ERCC6L: variants seen among roughly 807,000 people sequenced by gnomAD.
ERCC6L encodes DNA excision repair protein ERCC-6-like.
In ERCC6L, 7 loss-of-function variants were observed where a neutral mutation model predicts 20.1. The ratio of observed to expected loss-of-function variants is 0.35; its 90% CI spans 0.20 to 0.65. ERCC6L has a LOEUF of 0.65. Among genes scored for constraint, ERCC6L ranks in the 30% least tolerant of loss-of-function variants. ERCC6L has a pLI of 0.69. For synonymous variants in ERCC6L, 278 were observed against 331.3 expected, an observed-to-expected ratio of 0.84 and a Z score of 1.75; for missense variants, 592 against 892.4, an observed-to-expected ratio of 0.66 and a Z score of 4.29.
At chrX:72,213,309 C>T (rs2042867123) in intron 1 of ERCC6L, among the ~76,000 whole-genome samples, 1 of 111,819 alleles carries the variant, frequency 8.9e-6, no homozygotes, top group South Asian at 3.8e-4. Context: ...CACTGAAATA[C>T]AAATTAGGCT....
Position 72,204,938 on chromosome X carries a change from C to T in ERCC6L, c.*76G>A. ...CTTAAGCCTGAATGCTTCATGTTCC[C>T]AAAGAATCCAATTATGGGAACAAAA... On this transcript the variant is annotated 3_prime_UTR_variant, in exon 2 of 2. Coordinates refer to ENST00000334463, the MANE Select transcript of ERCC6L (RefSeq NM_017669.4). 1.0e-6 allele frequency: 1 copy of T among 958,045 alleles called. No homozygotes were observed. Among genetic ancestry groups the T allele is most frequent in the Non-Finnish European group, 1.4e-6 (1 of 711,262 alleles). 79.0% of individuals were successfully genotyped at this position (958,045 alleles called of 1,213,427 possible).
chrX:72,209,339 A>G (rs2042839275), intron 1 of ERCC6L, among the ~76,000 whole-genome samples: 1 of 111,871 alleles, frequency 8.9e-6, no homozygotes, highest in Admixed American at 9.5e-5. Context: ...CTCTAGACCC[A>G]TATTCCAGCT....
In ERCC6L at chrX:72,207,257, A is replaced by G. The variant is rs2042825731; in HGVS notation, c.1510T>C (p.Leu504=). 10 of 1,210,135 alleles carry G rather than the reference A, an allele frequency of 8.3e-6. No homozygotes were observed. Among genetic ancestry groups the G allele is most frequent in the Non-Finnish European group, 1.1e-5 (10 of 895,266 alleles). ...RLLKNRHFKT[L]RIDGTVTHLL... ...TGAGTAACTGTCCCATCGATTCGCA[A>G]TGTCTTAAAGTGCCTATTCTTTAAG... is the stretch of plus-strand genomic sequence containing the variant. Residue 504 remains leucine (L), a synonymous_variant, in exon 2 of 2, where the codon TTG becomes CTG. Coordinates refer to ENST00000334463, the MANE Select transcript of ERCC6L (RefSeq NM_017669.4).
At chrX:72,219,854 A>T (rs993833897) in intron 1 of ERCC6L, among the ~76,000 whole-genome samples, 1 of 110,284 alleles carries the variant, frequency 9.1e-6, no homozygotes, top group Admixed American at 9.7e-5. Flanking sequence ...TCTCAAAAAA[A>T]AAAAAAAAAG....
rs537510044 is a variant in ERCC6L, at chrX:72,213,284, G to A, written c.69-4586C>T. On this transcript the variant is annotated intron_variant, in intron 1 of 1. Coordinates refer to ENST00000334463, the MANE Select transcript of ERCC6L (RefSeq NM_017669.4). ...ACTCAGCTCACACCCAACCAATCAG[G>A]TAGTAAAGAGGGCTCACTGAAATAC... 8.0e-5 allele frequency among the ~76,000 whole-genome samples: 9 copies of A among 111,860 alleles called. No homozygotes were observed. The South Asian group carries it at 3.4e-3, about 42-fold the overall frequency.
chrX:72,223,296 C>T (rs1160629805), intron 1 of ERCC6L, among the ~76,000 whole-genome samples: 9 of 98,915 alleles, frequency 9.1e-5, no homozygotes, highest in Non-Finnish European at 1.6e-4. Context: ...GCTGAGATCA[C>T]GCCATTGCAC....
At chrX:72,232,874 AG>A (rs1409224537) in intron 1 of ERCC6L, among the ~76,000 whole-genome samples, 1 of 110,991 alleles carries the variant, frequency 9.0e-6, no homozygotes, top group African/African-American at 3.3e-5. Flanking sequence ...AGGCTGAGGC[AG>A]GTGGATCGCT....
chrX:72,236,274 T>A (rs1226191731), intron 1 of ERCC6L, among the ~76,000 whole-genome samples: 1 of 111,655 alleles, frequency 9.0e-6, no homozygotes. Context: ...GGCAACACAG[T>A]GAGACTTCAT....
At chrX:72,216,440 T>C (rs750584136) in intron 1 of ERCC6L, among the ~76,000 whole-genome samples, 18 of 111,946 alleles carry the variant, frequency 1.6e-4, no homozygotes, top group Admixed American at 7.6e-4. Context: ...GTAAAATACA[T>C]ATAACATAAA....
In ERCC6L at chrX:72,205,857, C is replaced by T; in HGVS notation, c.2910G>A (p.Gln970=). 2 of 1,211,766 alleles carry T rather than the reference C, an allele frequency of 1.7e-6. No individual in the cohort carries two copies. The highest frequency in any genetic ancestry group is 2.2e-6 in the Non-Finnish European group (2 of 895,543). ...SADNRQNFSS[Q]SLEHVEKENS... ...TTTCTTTCTCAACATGCTCTAAAGA[C>T]TGACTGGAAAAATTTTGTCTGTTGT... Residue 970 remains glutamine, a synonymous_variant, in exon 2 of 2, where the codon CAG becomes CAA. Transcript: ENST00000334463.
At chrX:72,232,765 G>A (rs186651377) in intron 1 of ERCC6L, among the ~76,000 whole-genome samples, 41 of 111,648 alleles carry the variant, frequency 3.7e-4, no homozygotes, top group Non-Finnish European at 6.6e-4. Flanking sequence ...AGCTGAGATC[G>A]CGTCATTGTA....
intron 1 of ERCC6L, among the ~76,000 whole-genome samples, chrX:72,211,517 C>G (rs1307768123): frequency 8.9e-6 from 1 of 111,902 alleles, no homozygotes; most frequent in African/African-American, 3.2e-5. Context: ...AATCACCTCC[C>G]ACAAGGTGTC....
intron 1 of ERCC6L, among the ~76,000 whole-genome samples, chrX:72,222,320 T>G (rs2042928156): frequency 9.0e-6 from 1 of 111,651 alleles, no homozygotes; most frequent in Admixed American, 9.5e-5. Flanking sequence ...AATTTTAACC[T>G]CCACCCTCAC....
intron 1 of ERCC6L, among the ~76,000 whole-genome samples, chrX:72,234,654 G>A (rs975120807): frequency 1.3e-4 from 14 of 111,285 alleles, no homozygotes; most frequent in African/African-American, 4.6e-4. Flanking sequence ...GACAAGGGAT[G>A]AGATCTTTTG....
At position 72,207,837 on chromosome X, in the gene ERCC6L, T is replaced by A; in HGVS notation, c.930A>T (p.Gly310=). ...CCATTAAGTTTTCAGATATTTTAAA[T>A]CCCAAGGCTTTTTCTCCTGGGGTAG... The part of the protein sequence containing the change: ...KDATPGEKAL[G]FKISENLMAI... Residue 310 remains glycine, a synonymous_variant, in exon 2 of 2, where the codon GGA becomes GGT. Transcript: ENST00000334463. The A allele has an allele frequency of 8.3e-7, 1 of 1,207,300 alleles. No homozygotes were observed.
At chrX:72,214,440 G>A (rs12835549) in intron 1 of ERCC6L, among the ~76,000 whole-genome samples, 7 of 111,362 alleles carry the variant, frequency 6.3e-5, no homozygotes, top group Non-Finnish European at 1.3e-4. Flanking sequence ...TTGGGAGGCC[G>A]AGGCGGTTGG....
At position 72,207,455 on chromosome X, in the gene ERCC6L, C is replaced by T; in HGVS notation, c.1312G>A (p.Gly438Arg). The change falls in exon 2 of 2, where the codon GGG becomes AGG. Residue 438 changes from glycine to arginine, a missense_variant. This residue lies in a region of ERCC6L where 196 missense variants were observed against 440.1 expected (regional missense o/e 0.45). Coordinates refer to ENST00000334463, the MANE Select transcript of ERCC6L (RefSeq NM_017669.4). ...GTFSAQDGNEGEDSPDVDHID... is the reference protein window; with the variant it reads ...GTFSAQDGNEREDSPDVDHID... ...TGGTCCACATCTGGGGAATCTTCCC[C>T]CTCATTTCCATCTTGAGCAGAGAAT... The T allele has an allele frequency of 8.3e-7, 1 of 1,211,069 alleles. No homozygotes were observed. Among genetic ancestry groups the T allele is most frequent in the East Asian group, 3.0e-5 (1 of 33,816 alleles).
rs201713434 is a variant in ERCC6L at position 72,206,881 on chromosome X, G to A, written c.1886C>T (p.Thr629Ile). ...TACAGAGTTCTGAAGATCCTCGATT[G>A]TAAAGAGCTCTCTTAATTCTTGTTT... ...FSKQELRELFTIEDLQNSVTQ... is the reference protein window; with the variant it reads ...FSKQELRELFIIEDLQNSVTQ... The change falls in exon 2 of 2, where the codon ACA becomes ATA. Residue 629 changes from threonine (T) to isoleucine (I), a missense_variant. Thr to Ile is a moderately conservative substitution (Grantham distance 89, BLOSUM62 -1). This residue lies in a region of ERCC6L where 196 missense variants were observed against 440.1 expected (regional missense o/e 0.45). Coordinates refer to ENST00000334463, the MANE Select transcript of ERCC6L (RefSeq NM_017669.4). 7 of 1,210,019 alleles carry A rather than the reference G, an allele frequency of 5.8e-6. No homozygotes were observed. In the African/African-American group the frequency reaches 1.0e-4, roughly 18 times the overall value.
intron 1 of ERCC6L, among the ~76,000 whole-genome samples, chrX:72,219,773 C>G (rs978065494): frequency 6.6e-5 from 7 of 105,792 alleles, no homozygotes; most frequent in African/African-American, 2.4e-4. Flanking sequence ...CACTTGAACC[C>G]GGGAGGCAGA....
Sources: allele counts gnomAD v4.1 joint callset (sites outside exome capture counted in the v4.1 genomes callset), GRCh38; gene constraint gnomAD v4.1.1; regional missense constraint gnomAD v4.1.1; transcripts MANE v1.5; gene names NCBI Gene and HGNC (gene_info 2026-07-23, HGNC 2026-07-21).